The following ZBTB40 variants were observed in gnomAD, a reference collection of about 807,000 sequenced individuals.
ZBTB40 encodes the protein zinc finger and BTB domain containing 40.
ZBTB40 carries 60 observed loss-of-function variants against 117.5 expected under a neutral mutation model. The observed-to-expected ratio is 0.51, with a 90% CI of 0.41 to 0.63. The LOEUF (loss-of-function observed/expected upper bound fraction) is 0.63, where lower values mean the gene tolerates loss of function less well. Ranked by LOEUF, ZBTB40 falls within the 30% of genes least tolerant of loss-of-function variation. The pLI is 0.00. For synonymous variants in ZBTB40, 525 were observed against 577.1 expected, an observed-to-expected ratio of 0.91 and a Z score of 1.29; for missense variants, 1,287 against 1,498.5, an observed-to-expected ratio of 0.86 and a Z score of 2.33.
rs137864527 is a variant in ZBTB40, at chr1:22,497,881, C to T, written c.832-3611C>T. Among the ~76,000 whole-genome samples the T allele has an allele frequency of 6.0e-3, 919 of 152,226 alleles. 4 individuals are homozygous for T. The highest frequency in any genetic ancestry group is 0.017 in the Middle Eastern group (5 of 294). On this transcript the variant is annotated intron_variant, in intron 3 of 17. Coordinates refer to ENST00000375647, the MANE Select transcript of ZBTB40 (RefSeq NM_014870.4). ...GGTGTGAGGAAGAAGGTAGATGGCA[C>T]GGTGTCCAGGATGATGTGGAGCGAT...
At chr1:22,446,289 C>T (rs1367328680) in intron 1 of ZBTB40, among the ~76,000 whole-genome samples, 1 of 149,510 alleles carries the variant, frequency 6.7e-6, no homozygotes, top group Non-Finnish European at 1.5e-5. Context: ...TGTGAGACAA[C>T]TGCAAAAGGT....
Position 22,526,444 on chromosome 1 carries a change from G to A in ZBTB40, c.*48G>A, listed in dbSNP as rs374007898. 975 of 1,610,478 alleles carry A rather than the reference G, an allele frequency of 6.1e-4. 8 individuals carry two copies. Among genetic ancestry groups the A allele is most frequent in the South Asian group, 6.0e-3 (544 of 90,620 alleles). On this transcript the variant is annotated 3_prime_UTR_variant, in exon 18 of 18. Transcript: ENST00000375647. ...CTTCCTGCGTTTGCAGCAGAGAGGA[G>A]GCCCCACAGCTTGCCCTTTGCCCTC...
intron 1 of ZBTB40, among the ~76,000 whole-genome samples, chr1:22,440,210 G>A (rs1214778868): frequency 1.3e-5 from 2 of 152,092 alleles, no homozygotes; most frequent in African/African-American, 2.4e-5. Flanking sequence ...AGCTCTAACA[G>A]GTTTTTTTGG....
At chr1:22,478,441 G>A (rs1339173301) in intron 1 of ZBTB40, among the ~76,000 whole-genome samples, 1 of 152,032 alleles carries the variant, frequency 6.6e-6, no homozygotes, top group Non-Finnish European at 1.5e-5. Flanking sequence ...TAGAGACGGG[G>A]TTTCACCGTG....
chr1:22,493,623 C>T (rs1012208572), intron 3 of ZBTB40, among the ~76,000 whole-genome samples: 1 of 152,120 alleles, frequency 6.6e-6, no homozygotes, highest in Admixed American at 6.5e-5. Context: ...TCCCTGTGTA[C>T]TACCCCTCTC....
chr1:22,472,410 T>G (rs2124406309), intron 1 of ZBTB40, among the ~76,000 whole-genome samples: 1 of 152,296 alleles, frequency 6.6e-6, no homozygotes, highest in Admixed American at 6.5e-5. Context: ...GGTCTTGAAC[T>G]CCTGAACTCA....
At chr1:22,468,393 C>A (rs1023124868) in intron 1 of ZBTB40, among the ~76,000 whole-genome samples, 8 of 147,566 alleles carry the variant, frequency 5.4e-5, no homozygotes, top group African/African-American at 2.0e-4. Context: ...AATTTTTAAT[C>A]AGTTTATTGA....
intron 2 of ZBTB40, 98 bp downstream of exon 2, chr1:22,490,743 A>G: frequency 7.6e-6 from 11 of 1,439,626 alleles, no homozygotes; most frequent in Non-Finnish European, 1.0e-5. Context: ...ACTGTTAGGT[A>G]GAAAACCAAA....
chr1:22,491,555 A>G, intron 3 of ZBTB40, 22 bp downstream of exon 3: 2 of 1,613,208 alleles, frequency 1.2e-6, no homozygotes, highest in South Asian at 1.1e-5. Flanking sequence ...TGACTTTTGT[A>G]CTTGTTTGCT....
intron 1 of ZBTB40, among the ~76,000 whole-genome samples, chr1:22,482,462 TATA>T (rs935751007): frequency 2.6e-5 from 4 of 152,204 alleles, no homozygotes; most frequent in African/African-American, 9.6e-5. Context: ...GTACATTTCT[TATA>T]ATTGATGAAC....
At chr1:22,484,058 A>G (rs72873518) in intron 1 of ZBTB40, among the ~76,000 whole-genome samples, 1,906 of 152,256 alleles carry the variant, frequency 0.013, 30 homozygotes, top group African/African-American at 0.038. Flanking sequence ...TGAATTGACT[A>G]TATTTGTGTG....
intron 1 of ZBTB40, among the ~76,000 whole-genome samples, chr1:22,476,245 A>T (rs1381972775): frequency 6.6e-6 from 1 of 152,136 alleles, no homozygotes; most frequent in Non-Finnish European, 1.5e-5. Flanking sequence ...GTTTCTTTTG[A>T]GACAGTCTTA....
intron 1 of ZBTB40, among the ~76,000 whole-genome samples, chr1:22,486,526 A>T (rs919472166): frequency 6.6e-6 from 1 of 152,070 alleles, no homozygotes; most frequent in African/African-American, 2.4e-5. Context: ...TTTCTTCACT[A>T]TTCGTTGTGA....
At chr1:22,474,054 C>T (rs1464845111) in intron 1 of ZBTB40, among the ~76,000 whole-genome samples, 1 of 152,150 alleles carries the variant, frequency 6.6e-6, no homozygotes, top group Non-Finnish European at 1.5e-5. Context: ...ACTAGACAGC[C>T]TCCCAAATCC....
intron 1 of ZBTB40, among the ~76,000 whole-genome samples, chr1:22,478,369 T>C (rs1339748437): frequency 6.6e-6 from 1 of 152,182 alleles, no homozygotes. Flanking sequence ...TGTCTCAGCC[T>C]CCTGAGTAGC....
rs1639761169 is a variant in ZBTB40, at chr1:22,529,083, C to T, written c.*2687C>T. The T allele has an allele frequency of 1.3e-5, 2 of 152,442 alleles. No individual in the cohort carries two copies. The highest frequency in any genetic ancestry group is 4.8e-5 in the African/African-American group (2 of 41,570). 9.4% of individuals were successfully genotyped at this position (152,442 alleles called of 1,614,324 possible). A position where few individuals can be genotyped will look rare whatever the true frequency, so the allele number is the denominator to read the frequency against. ...CTGGCTGACTGATTTTATAGTCTTG[C>T]TCTCTAGAGAAGCCCAGGCATGGAT... On this transcript the variant is annotated 3_prime_UTR_variant, in exon 18 of 18. Coordinates refer to ENST00000375647, the MANE Select transcript of ZBTB40 (RefSeq NM_014870.4).
chr1:22,518,597 T>C (rs1639437701), intron 13 of ZBTB40, among the ~76,000 whole-genome samples: 1 of 152,132 alleles, frequency 6.6e-6, no homozygotes, highest in Admixed American at 6.5e-5. Flanking sequence ...ATACAGTGTC[T>C]CACAAGTGCG....
chr1:22,440,004 G>A (rs1442226099), intron 1 of ZBTB40, among the ~76,000 whole-genome samples: 2 of 152,094 alleles, frequency 1.3e-5, no homozygotes, highest in Admixed American at 6.5e-5. Flanking sequence ...ATTTCTTTCA[G>A]TAATGTTTTA....
chr1:22,512,005 A>C lies in ZBTB40; in HGVS notation c.2332A>C (p.Lys778Gln). The C allele has an allele frequency of 6.2e-7, 1 of 1,614,192 alleles. No individual in the cohort carries two copies. Among genetic ancestry groups the C allele is most frequent in the Non-Finnish European group, 8.5e-7 (1 of 1,180,046 alleles). Residue 778 changes from lysine to glutamine, a missense_variant, in exon 11 of 18, where the codon AAG becomes CAG. By Grantham distance (53) the Lys-to-Gln change is moderately conservative. Around this residue, in one of 2 missense-constraint regions of ZBTB40, gnomAD observed 870 missense variants for 934.4 expected, o/e 0.93. Coordinates refer to ENST00000375647, the MANE Select transcript of ZBTB40 (RefSeq NM_014870.4). ...GGAGTGCAGTGAGACCAAGGATTCA[A>C]AGAAAGAGCTGGACAAACATCAGCT... ...CKECSETKDSKKELDKHQLEA... is the reference protein window; with the variant it reads ...CKECSETKDSQKELDKHQLEA...
Sources: gnomAD v4.1 joint callset for allele counts (sites outside exome capture counted in the v4.1 genomes callset) on GRCh38, gnomAD v4.1.1 for gene constraint, gnomAD v4.1.1 regional missense constraint, MANE v1.5 for transcripts, NCBI Gene and HGNC (gene_info 2026-07-23, HGNC 2026-07-21) for gene names.